The following EXTL3 variants were observed in gnomAD, a reference collection of about 807,000 sequenced individuals.
The protein encoded by EXTL3 is exostosin like glycosyltransferase 3.
Under a neutral mutation model 69.3 loss-of-function variants are expected in EXTL3, and 27 were observed. The observed-to-expected ratio is 0.39, with a 90% confidence interval of 0.29 to 0.54. EXTL3 has a LOEUF of 0.54. EXTL3 is among the 20% of genes least tolerant of loss of function. The pLI is 0.69. For synonymous variants in EXTL3, 511 were observed against 499.4 expected (o/e 1.02, Z -0.31); for missense variants, 1,003 against 1,231.8 (o/e 0.81, Z 2.78).
intron 1 of EXTL3, among the ~76,000 whole-genome samples, chr8:28,672,781 A>AC (rs1304984183): frequency 6.6e-6 from 1 of 152,018 alleles, no homozygotes; most frequent in Non-Finnish European, 1.5e-5. Flanking sequence ...TTGACCTAAA[A>AC]CCTAGAAAGG....
chr8:28,717,366 C>A lies in EXTL3; in HGVS notation c.1307C>A (p.Pro436His). ...KLSTFALIIT[P>H]GDPRLVISSG... ...TCCACCTTCGCCCTCATCATTACCC[C>A]CGGGGACCCTCGCTTGGTTATTTCC... Residue 436 changes from proline to histidine, a missense_variant, in exon 3 of 7, where the codon CCC becomes CAC. Pro to His is a moderately conservative substitution (Grantham distance 77). This residue lies in a region of EXTL3 where 742 missense variants were observed against 815.4 expected (regional missense o/e 0.91). Coordinates refer to ENST00000220562, the MANE Select transcript of EXTL3 (RefSeq NM_001440.4). This position sits in a 1 kb window ranked among gnomAD's most constrained non-coding sequence, Gnocchi z 8.3. 6.2e-7 allele frequency: 1 copy of A among 1,614,208 alleles called. No individual in the cohort carries two copies. The highest frequency in any genetic ancestry group is 8.5e-7 in the Non-Finnish European group (1 of 1,180,046).
At chr8:28,735,846 A>G (rs1229081624) in intron 4 of EXTL3, among the ~76,000 whole-genome samples, 1 of 152,252 alleles carries the variant, frequency 6.6e-6, no homozygotes, top group East Asian at 1.9e-4. Flanking sequence ...GTGTCCATAC[A>G]GAAAGGAATA....
intron 1 of EXTL3, among the ~76,000 whole-genome samples, chr8:28,654,610 C>A (rs538221480): frequency 6.6e-6 from 1 of 152,180 alleles, no homozygotes; most frequent in South Asian, 2.1e-4. Flanking sequence ...TAAAAAAAAT[C>A]TTTCAGGAAG....
intron 1 of EXTL3, among the ~76,000 whole-genome samples, chr8:28,685,623 C>A (rs183827056): frequency 1.1e-4 from 17 of 151,932 alleles, no homozygotes; most frequent in Non-Finnish European, 2.4e-4. Flanking sequence ...CCACCCTGCC[C>A]GTCCTTTCTT....
chr8:28,743,707 T>A (rs189172031), intron 6 of EXTL3, among the ~76,000 whole-genome samples: 1 of 152,234 alleles, frequency 6.6e-6, no homozygotes, highest in Non-Finnish European at 1.5e-5. Context: ...AGAGCATGTA[T>A]GTCACTGTGT....
chr8:28,613,375 G>T (rs967743767), intron 2 of EXTL3, among the ~76,000 whole-genome samples: 10 of 152,062 alleles, frequency 6.6e-5, no homozygotes, highest in African/African-American at 2.4e-4. Context: ...GTAGAGACAG[G>T]GTTTCACCAT....
chr8:28,637,907 A>C (rs1563432048), intron 1 of EXTL3, among the ~76,000 whole-genome samples: 1 of 152,176 alleles, frequency 6.6e-6, no homozygotes, highest in Non-Finnish European at 1.5e-5. Flanking sequence ...GGCTGCAATG[A>C]AACTATCCTT....
rs1160028062 is a variant in EXTL3, at chr8:28,753,994, A to C, written c.*3128A>C. ...CAGGATGTGGAAGGGCATGTGGCCC[A>C]TATATGCAAAGTTAATTTTTTCATG... On this transcript the variant is annotated 3_prime_UTR_variant, in exon 7 of 7. Coordinates refer to ENST00000220562, the MANE Select transcript of EXTL3 (RefSeq NM_001440.4). 7.9e-5 allele frequency: 12 copies of C among 152,344 alleles called. No homozygotes were observed. The highest frequency in any genetic ancestry group is 7.9e-4 in the Admixed American group (12 of 15,280). 9.4% of individuals were successfully genotyped at this position (152,344 alleles called of 1,614,324 possible). A position where few individuals can be genotyped will look rare whatever the true frequency, so the allele number is the denominator to read the frequency against.
chr8:28,640,596 G>A (rs1332077655), intron 1 of EXTL3, among the ~76,000 whole-genome samples: 4 of 152,110 alleles, frequency 2.6e-5, no homozygotes, highest in African/African-American at 7.2e-5. Flanking sequence ...GCACTTTTAT[G>A]TATTTTTAAC....
chr8:28,618,833 C>T (rs1806362438), upstream of EXTL3, among the ~76,000 whole-genome samples: 1 of 151,970 alleles, frequency 6.6e-6, no homozygotes, highest in Admixed American at 6.6e-5. Flanking sequence ...GCCTCTAATC[C>T]CAGCACTTTG....
At chr8:28,619,872 TTTTTTTTTTTTTTTTTG>T (rs2130540435), upstream of EXTL3, among the ~76,000 whole-genome samples, 1 of 103,880 alleles carries the variant, frequency 9.6e-6, no homozygotes, top group African/African-American at 5.5e-5. Context: ...TTTTTTTTTT[TTTTTTTTTTTTTTTTTG>T]AGACGGAGTC....
intron 1 of EXTL3, among the ~76,000 whole-genome samples, chr8:28,633,986 G>A (rs891409322): frequency 1.3e-5 from 2 of 152,136 alleles, no homozygotes; most frequent in African/African-American, 4.8e-5. Context: ...GGTAGGAGTG[G>A]AAATCCCATC....
Position 28,717,114 on chromosome 8 carries a change from C to T in EXTL3, c.1055C>T (p.Ser352Phe). 1 of 1,614,248 alleles carries T rather than the reference C, an allele frequency of 6.2e-7. No individual in the cohort carries two copies. The highest frequency in any genetic ancestry group is 8.5e-7 in the Non-Finnish European group (1 of 1,180,048). Residue 352 changes from serine to phenylalanine, a missense_variant, in exon 3 of 7, where the codon TCT becomes TTT. By Grantham distance (155) the Ser-to-Phe change is radical. Coordinates refer to ENST00000220562, the MANE Select transcript of EXTL3 (RefSeq NM_001440.4). The surrounding 1 kb of genome is among the most constrained non-coding windows in gnomAD (Gnocchi z 8.3). ...LFTFQGEKIE[S>F]LRSSLQEARS... The stretch of plus-strand genomic sequence containing the variant: ...ACCTTCCAGGGCGAGAAGATTGAGT[C>T]TCTGAGGTCTAGCCTTCAGGAGGCC...
intron 1 of EXTL3, among the ~76,000 whole-genome samples, chr8:28,627,051 G>A (rs990895007): frequency 2.6e-5 from 4 of 151,850 alleles, no homozygotes; most frequent in Admixed American, 1.3e-4. Context: ...GCGTGGTGGC[G>A]GGCGCCTGTA....
At chr8:28,737,936 CTG>C (rs1801686349) in intron 5 of EXTL3, among the ~76,000 whole-genome samples, 1 of 142,040 alleles carries the variant, frequency 7.0e-6, no homozygotes, top group African/African-American at 2.7e-5. Flanking sequence ...GTTTGTAAAA[CTG>C]AGGGCACTGG....
intron 1 of EXTL3, among the ~76,000 whole-genome samples, chr8:28,666,987 C>A (rs1471179067): frequency 6.6e-6 from 1 of 152,202 alleles, no homozygotes; most frequent in Admixed American, 6.5e-5. Context: ...CCTGGAGAGT[C>A]CTCTGGCAGA....
intron 1 of EXTL3, among the ~76,000 whole-genome samples, chr8:28,660,907 T>G (rs1807101591): frequency 8.9e-6 from 1 of 112,540 alleles, no homozygotes. Flanking sequence ...TCTCTTTTGT[T>G]CGTTTCTTTT....
At chr8:28,647,836 A>G (rs1041608274) in intron 1 of EXTL3, among the ~76,000 whole-genome samples, 6 of 151,826 alleles carry the variant, frequency 4.0e-5, no homozygotes, top group African/African-American at 1.5e-4. Flanking sequence ...CTTTGAATCA[A>G]TCAGGAATTG....
upstream of EXTL3, chr8:28,701,469 G>C (rs1298332741): frequency 7.3e-5 from 11 of 151,668 alleles, no homozygotes; most frequent in Admixed American, 7.2e-4. Context: ...GCCGGCTTCG[G>C]CCATTTCCGG....
Sources: gnomAD v4.1 joint callset for allele counts (sites outside exome capture counted in the v4.1 genomes callset) on GRCh38, gnomAD v4.1.1 for gene constraint, gnomAD v4.1.1 regional missense constraint, Gnocchi (gnomAD v3.1) non-coding constraint, MANE v1.5 for transcripts, NCBI Gene and HGNC (gene_info 2026-07-23, HGNC 2026-07-21) for gene names.